RCAN2: variants seen among roughly 807,000 people sequenced by gnomAD.
The protein encoded by RCAN2 is regulator of calcineurin 2, also known as calcipressin-2.
Under a neutral mutation model 23.6 loss-of-function variants are expected in RCAN2, and 9 were observed. The ratio of observed to expected loss-of-function variants is 0.38; its 90% CI spans 0.23 to 0.67. The LOEUF (loss-of-function observed/expected upper bound fraction) is 0.67, where lower values mean the gene tolerates loss of function less well. Ranked by LOEUF, RCAN2 falls within the 30% of genes least tolerant of loss-of-function variation. The pLI, the probability that RCAN2 is intolerant of heterozygous loss-of-function variation, is 0.51. For missense variants in RCAN2, 273 were observed against 302.3 expected, an observed-to-expected ratio of 0.90 and a Z score of 0.72; for synonymous variants, 109 against 115.7, an observed-to-expected ratio of 0.94 and a Z score of 0.37.
chr6:46,306,604 G>T (rs1763077320), intron 2 of RCAN2, among the ~76,000 whole-genome samples: 1 of 152,054 alleles, frequency 6.6e-6, no homozygotes, highest in Admixed American at 6.6e-5. Context: ...TAACATTTTG[G>T]CTGCTCTCAC....
intron 2 of RCAN2, among the ~76,000 whole-genome samples, chr6:46,293,911 C>A (rs1202234120): frequency 1.3e-5 from 2 of 152,074 alleles, no homozygotes; most frequent in Non-Finnish European, 2.9e-5. Context: ...GAGCATGTTG[C>A]AAAAGCATGA....
At chr6:46,279,444 A>G (rs1415365594) in intron 2 of RCAN2, among the ~76,000 whole-genome samples, 2 of 152,216 alleles carry the variant, frequency 1.3e-5, no homozygotes, top group African/African-American at 4.8e-5. Flanking sequence ...TGTGCATTGT[A>G]GGATGTTTGG....
chr6:46,332,540 A>T (rs1764010394), intron 2 of RCAN2, among the ~76,000 whole-genome samples: 2 of 141,052 alleles, frequency 1.4e-5, no homozygotes, highest in African/African-American at 5.4e-5. Flanking sequence ...ATTCCCACCT[A>T]TGAGTGAGAA....
At chr6:46,434,720 T>C (rs1198031462) in intron 2 of RCAN2, among the ~76,000 whole-genome samples, 1 of 152,204 alleles carries the variant, frequency 6.6e-6, no homozygotes, top group Non-Finnish European at 1.5e-5. Context: ...CATCTGTAGT[T>C]TGAAACCATC....
At chr6:46,246,967 A>G in intron 3 of RCAN2, 48 bp from the exon 4 acceptor site, 1 of 1,433,120 alleles carries the variant, frequency 7.0e-7, no homozygotes. Flanking sequence ...ATGGCTTCAG[A>G]TGTGTCATGT....
chr6:46,411,442 G>GC (rs1459416141), intron 2 of RCAN2, among the ~76,000 whole-genome samples: 1 of 152,130 alleles, frequency 6.6e-6, no homozygotes, highest in African/African-American at 2.4e-5. Context: ...TGCAGTTAAT[G>GC]CCACAGAACT....
At chr6:46,397,720 T>C (rs1166724191) in intron 2 of RCAN2, among the ~76,000 whole-genome samples, 1 of 152,176 alleles carries the variant, frequency 6.6e-6, no homozygotes, top group East Asian at 1.9e-4. Context: ...ATTAGTCAGC[T>C]CTCATCCCAA....
intron 2 of RCAN2, among the ~76,000 whole-genome samples, chr6:46,403,572 CAA>C (rs35037427): frequency 1.1e-4 from 13 of 122,582 alleles, no homozygotes; most frequent in Admixed American, 8.1e-5. Flanking sequence ...AACTCCGTAT[CAA>C]AAAAAAAAAA....
Position 46,289,078 on chromosome 6 carries a change from G to A in RCAN2, c.226-40182C>T, listed in dbSNP as rs1479812848. On this transcript the variant is annotated intron_variant, in intron 2 of 4. Coordinates refer to ENST00000371374, the MANE Select transcript of RCAN2 (RefSeq NM_001251974.2). ...AAGCTGGCCATTCTGTGGGGCTGAC[G>A]GGTGGCTGCAGATGCATCAGCTATG... Among the ~76,000 whole-genome samples the A allele has an allele frequency of 2.6e-5, 4 of 152,158 alleles. No individual in the cohort carries two copies. In the East Asian group the frequency reaches 5.8e-4, roughly 22 times the overall value.
chr6:46,308,019 C>T (rs1437795286), intron 2 of RCAN2, among the ~76,000 whole-genome samples: 1 of 152,132 alleles, frequency 6.6e-6, no homozygotes, highest in Non-Finnish European at 1.5e-5. Flanking sequence ...TGAAAAGACC[C>T]TCAGCAACAG....
At chr6:46,401,496 G>C (rs1766247104) in intron 2 of RCAN2, among the ~76,000 whole-genome samples, 1 of 152,104 alleles carries the variant, frequency 6.6e-6, no homozygotes, top group Non-Finnish European at 1.5e-5. Context: ...TCCTGAGAGA[G>C]AGAGGCACAG....
At chr6:46,395,421 T>G (rs1766059828) in intron 2 of RCAN2, among the ~76,000 whole-genome samples, 1 of 152,228 alleles carries the variant, frequency 6.6e-6, no homozygotes, top group Non-Finnish European at 1.5e-5. Flanking sequence ...GAACAACCCA[T>G]GTGTCTAAGG....
chr6:46,436,791 G>A (rs1178339869), intron 2 of RCAN2, among the ~76,000 whole-genome samples: 1 of 152,114 alleles, frequency 6.6e-6, no homozygotes, highest in Non-Finnish European at 1.5e-5. Flanking sequence ...TAGATGCTAA[G>A]GCCCTCTCTC....
chr6:46,490,877 G>T (rs1356041038), intron 1 of RCAN2, among the ~76,000 whole-genome samples: 5 of 152,034 alleles, frequency 3.3e-5, no homozygotes, highest in African/African-American at 4.8e-5. Flanking sequence ...CCCGGGCCAC[G>T]GGCAGTGGGG....
At chr6:46,249,043 T>G in intron 2 of RCAN2, 147 bp from the exon 3 acceptor site, 1 of 583,588 alleles carries the variant, frequency 1.7e-6, no homozygotes, top group Non-Finnish European at 2.8e-6. Flanking sequence ...TTTTTTCATC[T>G]GTAGATCTGT....
At chr6:46,367,274 C>T (rs1445222394) in intron 2 of RCAN2, among the ~76,000 whole-genome samples, 1 of 151,538 alleles carries the variant, frequency 6.6e-6, no homozygotes, top group Non-Finnish European at 1.5e-5. Flanking sequence ...CTTCACAAGC[C>T]GTTGATAATT....
chr6:46,350,548 T>C (rs1764617732), intron 2 of RCAN2, among the ~76,000 whole-genome samples: 1 of 152,186 alleles, frequency 6.6e-6, no homozygotes, highest in African/African-American at 2.4e-5. Context: ...AATCACATTA[T>C]TTCTGGGCAT....
chr6:46,476,061 T>A (rs1193929643), intron 1 of RCAN2, among the ~76,000 whole-genome samples: 2 of 152,168 alleles, frequency 1.3e-5, no homozygotes, highest in African/African-American at 2.4e-5. Context: ...ATGCTGGGAA[T>A]AGTAATGCCT....
chr6:46,408,205 T>C (rs1254961862), intron 2 of RCAN2, among the ~76,000 whole-genome samples: 1 of 152,186 alleles, frequency 6.6e-6, no homozygotes, highest in Non-Finnish European at 1.5e-5. Flanking sequence ...ATTACTTCCC[T>C]GCGGGCGGCT....
Sources: gnomAD v4.1 joint callset for allele counts (sites outside exome capture counted in the v4.1 genomes callset) on GRCh38, gnomAD v4.1.1 for gene constraint, MANE v1.5 for transcripts, NCBI Gene and HGNC (gene_info 2026-07-23, HGNC 2026-07-21) for gene names.